RYR2: variants seen among roughly 807,000 people sequenced by gnomAD.
RYR2 encodes the protein cardiac muscle ryanodine receptor-calcium release channel.
Under a neutral mutation model 601.1 loss-of-function variants are expected in RYR2, and 227 were observed. The ratio of observed to expected loss-of-function variants is 0.38; its 90% CI spans 0.34 to 0.42. The LOEUF (loss-of-function observed/expected upper bound fraction) is 0.42. RYR2 is among the 10% of genes least tolerant of loss of function. The pLI, the probability that RYR2 is intolerant of heterozygous loss-of-function variation, is 1.00. For missense variants in RYR2, 4,646 were observed against 6,156.5 expected (o/e 0.75, Z 8.21); for synonymous variants, 2,223 against 2,175.1 (o/e 1.02, Z -0.61).
chr1:237,434,835 G>T (rs1034097819), intron 12 of RYR2, among the ~76,000 whole-genome samples: 3 of 152,084 alleles, frequency 2.0e-5, no homozygotes, highest in African/African-American at 7.2e-5. Flanking sequence ...GAGTGCAGTG[G>T]CAAGATCTTG....
intron 100 of RYR2, among the ~76,000 whole-genome samples, chr1:237,813,485 C>T (rs1279523105): frequency 6.6e-6 from 1 of 152,186 alleles, no homozygotes. Context: ...CCAGCAACAT[C>T]CTGGTCTCTC....
chr1:237,582,668 A>G lies in RYR2; in HGVS notation c.3599-7125A>G, dbSNP rs554249358. Among the ~76,000 whole-genome samples the G allele has an allele frequency of 3.3e-5, 5 of 152,212 alleles. No individual in the cohort carries two copies. In the South Asian group the frequency reaches 1.0e-3, roughly 32 times the overall value. ...TCAGCTCTCACTTGTAAGTGAGAAT[A>G]CACAGTGTTTGGCTTTCTGTTCCTG... On this transcript the variant is annotated intron_variant, in intron 29 of 104. Transcript: ENST00000366574.
intron 81 of RYR2, among the ~76,000 whole-genome samples, chr1:237,757,364 T>C (rs371527490): frequency 7.2e-5 from 11 of 152,212 alleles, no homozygotes; most frequent in African/African-American, 2.4e-4. Context: ...CTCATACTTA[T>C]TTTAATGTTT....
chr1:237,455,026 A>ACC (rs1311428980), intron 15 of RYR2, among the ~76,000 whole-genome samples: 1 of 152,166 alleles, frequency 6.6e-6, no homozygotes, highest in East Asian at 1.9e-4. Context: ...GGAGAGGGCT[A>ACC]CCGGAGTAGG....
Position 237,577,371 on chromosome 1 carries a change from A to G in RYR2, c.3598+8052A>G, listed in dbSNP as rs76515164. 3.8e-3 allele frequency among the ~76,000 whole-genome samples: 582 copies of G among 152,324 alleles called. 2 individuals carry two copies. Among genetic ancestry groups the G allele is most frequent in the African/African-American group, 0.013 (543 of 41,572 alleles). ...AATCTGTGAATATGTTACTTTACAT[A>G]GCAAAAGAGATTTTGTTGATGTGAT... On this transcript the variant is annotated intron_variant, in intron 29 of 104. Coordinates refer to ENST00000366574, the MANE Select transcript of RYR2 (RefSeq NM_001035.3).
intron 79 of RYR2, among the ~76,000 whole-genome samples, chr1:237,742,088 T>C (rs1414765068): frequency 1.3e-5 from 2 of 152,220 alleles, no homozygotes; most frequent in East Asian, 1.9e-4. Context: ...TGTAATTTAA[T>C]ATTTTATTTT....
Position 237,569,137 on chromosome 1 carries a change from C to T in RYR2, c.3424-8C>T. The T allele has an allele frequency of 1.9e-6, 3 of 1,608,062 alleles. No homozygotes were observed. On this transcript the variant is annotated splice_region_variant and splice_polypyrimidine_tract_variant and intron_variant, in intron 28 of 104. Coordinates refer to ENST00000366574, the MANE Select transcript of RYR2 (RefSeq NM_001035.3). ...CTGTGACAAGGGACTTTTCTGTCCT[C>T]TGTATAGGCCCAGCGGTGGCATCAG...
At position 237,353,370 on chromosome 1, in the gene RYR2, G is replaced by T. The variant is rs571863190; in HGVS notation, c.274-2595G>T. 3.1e-3 allele frequency among the ~76,000 whole-genome samples: 478 copies of T among 152,066 alleles called. 5 individuals carry two copies. Among genetic ancestry groups the T allele is most frequent in the Non-Finnish European group, 5.2e-3 (354 of 67,976 alleles). ...CTAAAAATACAAAAATTAGCCGGGT[G>T]TGGTGGCGGGCACCTGTAATCCCAG... On this transcript the variant is annotated intron_variant, in intron 3 of 104. Coordinates refer to ENST00000366574, the MANE Select transcript of RYR2 (RefSeq NM_001035.3).
At chr1:237,126,202 A>G (rs948582597) in intron 1 of RYR2, among the ~76,000 whole-genome samples, 1 of 150,090 alleles carries the variant, frequency 6.7e-6, no homozygotes, top group African/African-American at 2.5e-5. Flanking sequence ...ATGCCACTGT[A>G]CTCCAGCCTT....
At chr1:237,508,738 T>TTC (rs1485382572) in intron 23 of RYR2, among the ~76,000 whole-genome samples, 1 of 125,656 alleles carries the variant, frequency 8.0e-6, no homozygotes, top group East Asian at 2.3e-4. Context: ...GGTTTTCTTT[T>TTC]TTTTTTTTTT....
At chr1:237,636,148 A>G (rs1016816297) in intron 44 of RYR2, among the ~76,000 whole-genome samples, 4 of 151,462 alleles carry the variant, frequency 2.6e-5, no homozygotes, top group African/African-American at 9.7e-5. Context: ...ATAGAAACTT[A>G]TATTTTAAAT....
chr1:237,054,594 A>C (rs551988265), intron 1 of RYR2, among the ~76,000 whole-genome samples: 1 of 152,196 alleles, frequency 6.6e-6, no homozygotes, highest in Admixed American at 6.5e-5. Context: ...TTCTCAAGCA[A>C]ATTCATCTCA....
At chr1:237,312,631 T>C (rs949798258) in intron 2 of RYR2, among the ~76,000 whole-genome samples, 4 of 152,226 alleles carry the variant, frequency 2.6e-5, no homozygotes, top group African/African-American at 9.6e-5. Flanking sequence ...CTGAAAATGA[T>C]GTAAACACAT....
In RYR2 at chr1:237,330,985, A is replaced by G; in HGVS notation, c.273+3A>G. On this transcript the variant is annotated splice_donor_region_variant and intron_variant, in intron 3 of 104. Transcript: ENST00000366574. ...ACACCGTGGAGAAATCAGAAGGGGCAAGTACCCAATTTATGTAGACTTGTA... is the reference window on the plus strand; with the variant it reads ...ACACCGTGGAGAAATCAGAAGGGGCGAGTACCCAATTTATGTAGACTTGTA... 2.5e-6 allele frequency: 4 copies of G among 1,611,204 alleles called. No homozygotes were observed. Among genetic ancestry groups the G allele is most frequent in the Non-Finnish European group, 3.4e-6 (4 of 1,177,330 alleles).
At chr1:237,766,700 A>G (rs1693873367) in intron 84 of RYR2, among the ~76,000 whole-genome samples, 1 of 152,214 alleles carries the variant, frequency 6.6e-6, no homozygotes, top group South Asian at 2.1e-4. Context: ...TGGCTATAAG[A>G]GAAACAAGAT....
intron 1 of RYR2, among the ~76,000 whole-genome samples, chr1:237,233,606 G>A (rs946946205): frequency 6.6e-6 from 1 of 152,142 alleles, no homozygotes; most frequent in South Asian, 2.1e-4. Flanking sequence ...CTTAGCATAT[G>A]CATGTCAGTC....
intron 25 of RYR2, 53 bp downstream of exon 25, chr1:237,530,563 A>T (rs1668044058): frequency 1.6e-6 from 2 of 1,287,082 alleles, no homozygotes; most frequent in Admixed American, 2.0e-5. Flanking sequence ...ATTTAGTGCA[A>T]CCAAATAACT....
chr1:237,566,622 C>T lies in RYR2; in HGVS notation c.3270C>T (p.Ala1090=), dbSNP rs1344074824. 11 of 1,613,784 alleles carry T rather than the reference C, an allele frequency of 6.8e-6. No individual in the cohort carries two copies. The highest frequency in any genetic ancestry group is 1.3e-5 in the African/African-American group (1 of 74,898). ...GTGERFRIFR[A]EKTYAVKAGR... ...GGGAAAGGTTCCGAATCTTCCGTGC[C>T]GAGAAGACCTATGCAGTGAAGGCCG... Residue 1090 remains alanine (A), a synonymous_variant, in exon 28 of 105, where the codon GCC becomes GCT. Transcript: ENST00000366574.
intron 10 of RYR2, among the ~76,000 whole-genome samples, chr1:237,413,281 T>C (rs1204909014): frequency 6.6e-6 from 1 of 152,084 alleles, no homozygotes; most frequent in Non-Finnish European, 1.5e-5. Context: ...AGAGGAACAA[T>C]TCAGGGCACA....
Sources: allele counts gnomAD v4.1 joint callset (sites outside exome capture counted in the v4.1 genomes callset), GRCh38; gene constraint gnomAD v4.1.1; transcripts MANE v1.5; gene names NCBI Gene and HGNC (gene_info 2026-07-23, HGNC 2026-07-21).